The following LGMN variants were observed in gnomAD, a reference collection of about 807,000 sequenced individuals.
LGMN encodes asparaginyl endopeptidase.
LGMN carries 36 observed loss-of-function variants against 56.8 expected under a neutral mutation model. The observed-to-expected ratio is 0.63, with a 90% CI of 0.49 to 0.84. LGMN has a LOEUF of 0.84. Among genes scored for constraint, LGMN ranks in the 40% least tolerant of loss-of-function variants. The pLI is 0.00. For missense variants in LGMN, 446 were observed against 556.1 expected (o/e 0.80, Z 1.99); for synonymous variants, 199 against 210.1 (o/e 0.95, Z 0.46).
chr14:92,705,927 C>T (rs1889406914), intron 12 of LGMN, among the ~76,000 whole-genome samples: 2 of 152,094 alleles, frequency 1.3e-5, no homozygotes, highest in South Asian at 4.1e-4. Flanking sequence ...CATGCCCGGC[C>T]CCAATAAAAC....
intron 5 of LGMN, chr14:92,715,727 G>C (rs77557457): frequency 6.5e-6 from 1 of 154,384 alleles, no homozygotes; most frequent in East Asian, 1.9e-4. Flanking sequence ...AGGGACTTAC[G>C]AATGTGCCTC....
rs1358569879 is a variant in LGMN, at chr14:92,716,178, G to A, written c.362C>T (p.Ala121Val). 1.2e-6 allele frequency: 2 copies of A among 1,613,436 alleles called. No homozygotes were observed. The highest frequency in any genetic ancestry group is 1.1e-5 in the South Asian group (1 of 91,068). The change falls in exon 5 of 14, where the codon GCA becomes GTA. Residue 121 changes from alanine (A) to valine (V), a missense_variant. By Grantham distance (64) the Ala-to-Val change is moderately conservative. Coordinates refer to ENST00000334869, the MANE Select transcript of LGMN (RefSeq NM_005606.7). Reference protein sequence around the residue: ...QNFLAVLRGDAEAVKGIGSGK... With the variant: ...QNFLAVLRGDVEAVKGIGSGK... ...GGATCCTATGCCCTTCACTGCTTCTGCATCGCCTCTCAACACAGCAAGGAA... is the reference window on the plus strand; with the variant it reads ...GGATCCTATGCCCTTCACTGCTTCTACATCGCCTCTCAACACAGCAAGGAA...
At chr14:92,706,322 A>C in intron 12 of LGMN, 161 bp downstream of exon 12, 1 of 546,576 alleles carries the variant, frequency 1.8e-6, no homozygotes, top group East Asian at 3.1e-5. Context: ...CCAAGATTTA[A>C]AATTAGTGAA....
At chr14:92,746,085 T>G (rs1409210169) in intron 1 of LGMN, among the ~76,000 whole-genome samples, 1 of 152,182 alleles carries the variant, frequency 6.6e-6, no homozygotes, top group Non-Finnish European at 1.5e-5. Context: ...CCTCCCAAAG[T>G]GCTGCGATTA....
intron 2 of LGMN, among the ~76,000 whole-genome samples, chr14:92,728,090 A>G (rs991800520): frequency 6.6e-6 from 1 of 152,158 alleles, no homozygotes; most frequent in African/African-American, 2.4e-5. Flanking sequence ...TCGTTTTGTG[A>G]GTATCATAGA....
At chr14:92,713,774 T>C in intron 7 of LGMN, 49 bp downstream of exon 7, 1 of 1,357,494 alleles carries the variant, frequency 7.4e-7, no homozygotes, top group Non-Finnish European at 1.1e-6. Context: ...CACTCACGGC[T>C]TTCCTCACAC....
intron 2 of LGMN, among the ~76,000 whole-genome samples, chr14:92,723,885 C>T (rs572285624): frequency 6.6e-6 from 1 of 152,324 alleles, no homozygotes; most frequent in Non-Finnish European, 1.5e-5. Context: ...GCATGTGCCA[C>T]CACGCCCAGC....
In LGMN at chr14:92,704,201, CG is replaced by C; in HGVS notation, c.*117del. On this transcript the variant is annotated 3_prime_UTR_variant, in exon 14 of 14. Transcript: ENST00000334869. ...GAAGGTCCTGGAGCGAGCCCTGGAG[CG>C]GGGGCTCCCCAGGAGGGCCCGAGCA... 7.8e-7 allele frequency: 1 copy of C among 1,289,694 alleles called. No homozygotes were observed. Among genetic ancestry groups the C allele is most frequent in the Non-Finnish European group, 1.1e-6 (1 of 886,308 alleles). 79.9% of individuals were successfully genotyped at this position (1,289,694 alleles called of 1,614,324 possible).
At position 92,742,128 on chromosome 14, in the gene LGMN, A is replaced by G. The variant is rs145493700; in HGVS notation, c.-30+6361T>C. Reference sequence around the variant, plus strand: ...CTACCTCAAAAAATGGCACCTTAGTATACTGAATATTTTAAGGAATTCCAC... The same window carrying G: ...CTACCTCAAAAAATGGCACCTTAGTGTACTGAATATTTTAAGGAATTCCAC... On this transcript the variant is annotated intron_variant, in intron 1 of 13. Transcript: ENST00000334869. Among the ~76,000 whole-genome samples the G allele has an allele frequency of 7.2e-4, 109 of 151,692 alleles. 1 individual carries two copies. Among genetic ancestry groups the G allele is most frequent in the Non-Finnish European group, 1.3e-3 (89 of 67,888 alleles).
At chr14:92,724,251 C>T (rs938484626) in intron 2 of LGMN, among the ~76,000 whole-genome samples, 12 of 152,176 alleles carry the variant, frequency 7.9e-5, no homozygotes, top group Non-Finnish European at 1.8e-4. Flanking sequence ...GTTTGGGACC[C>T]CCAGCACCCT....
At chr14:92,725,163 C>T (rs1348687656) in intron 2 of LGMN, among the ~76,000 whole-genome samples, 1 of 152,240 alleles carries the variant, frequency 6.6e-6, no homozygotes, top group African/African-American at 2.4e-5. Context: ...GGCCCTGCTG[C>T]AAGAATGGGC....
intron 2 of LGMN, among the ~76,000 whole-genome samples, chr14:92,728,754 G>A (rs927959753): frequency 2.0e-5 from 3 of 152,218 alleles, no homozygotes; most frequent in African/African-American, 7.2e-5. Context: ...GGGCTGTGGA[G>A]CATGGACTGC....
intron 2 of LGMN, among the ~76,000 whole-genome samples, chr14:92,722,476 G>A (rs976710110): frequency 5.9e-5 from 9 of 152,088 alleles, no homozygotes; most frequent in Admixed American, 3.9e-4. Flanking sequence ...CCAGCTACTC[G>A]GGAGGCTGAG....
At chr14:92,729,950 ATAGT>A (rs1408327925) in intron 2 of LGMN, among the ~76,000 whole-genome samples, 25 of 152,378 alleles carry the variant, frequency 1.6e-4, no homozygotes, top group African/African-American at 4.6e-4. Context: ...TTCTATTTTG[ATAGT>A]TAGTATTTTA....
intron 1 of LGMN, among the ~76,000 whole-genome samples, chr14:92,746,261 T>C (rs1197699908): frequency 1.3e-5 from 2 of 152,236 alleles, no homozygotes; most frequent in African/African-American, 4.8e-5. Flanking sequence ...TCTTATCATA[T>C]GATTATTTAA....
chr14:92,705,397 G>A (rs1230610554), intron 12 of LGMN, among the ~76,000 whole-genome samples: 1 of 152,062 alleles, frequency 6.6e-6, no homozygotes, highest in Non-Finnish European at 1.5e-5. Flanking sequence ...AGCTACTCGG[G>A]AGGCTGAGGC....
At position 92,704,316 on chromosome 14, in the gene LGMN, T is replaced by A. The variant is rs141853765; in HGVS notation, c.*3A>T. The A allele has an allele frequency of 6.6e-4, 1,067 of 1,614,042 alleles. 5 individuals are homozygous for A. In the African/African-American group the frequency reaches 9.9e-3, roughly 15 times the overall value. ...CTTGGAAAAGCTTCCAGGAGGCAGC[T>A]CTTCAGTAGTGACCAAGGCACACGT... On this transcript the variant is annotated 3_prime_UTR_variant, in exon 14 of 14. Coordinates refer to ENST00000334869, the MANE Select transcript of LGMN (RefSeq NM_005606.7).
At chr14:92,730,666 C>T (rs745881596) in intron 2 of LGMN, among the ~76,000 whole-genome samples, 38 of 152,062 alleles carry the variant, frequency 2.5e-4, no homozygotes, top group Non-Finnish European at 4.1e-4. Context: ...ATATTAAGGC[C>T]GGGCATGGTG....
rs116218729 is a variant in LGMN at position 92,711,959 on chromosome 14, C to T, written c.611-4G>A. 1.5e-3 allele frequency: 2,360 copies of T among 1,594,730 alleles called. 36 individuals are homozygous for T. The African/African-American group carries it at 0.027, about 18-fold the overall frequency. ...TTGGCAGCAGTAGTTGCATAAACTA[C>T]GAGGAATTAAAGATGATCTTTTAGT... is the stretch of plus-strand genomic sequence containing the variant. On this transcript the variant is annotated splice_region_variant and splice_polypyrimidine_tract_variant and intron_variant, in intron 8 of 13. Transcript: ENST00000334869.
Sources: allele counts gnomAD v4.1 joint callset (sites outside exome capture counted in the v4.1 genomes callset), GRCh38; gene constraint gnomAD v4.1.1; transcripts MANE v1.5; gene names NCBI Gene and HGNC (gene_info 2026-07-23, HGNC 2026-07-21).